KDM5B: variants seen among roughly 807,000 people sequenced by gnomAD.
KDM5B encodes the protein lysine-specific demethylase 5B.
KDM5B carries 144 observed loss-of-function variants against 193.4 expected under a neutral mutation model. The observed-to-expected ratio is 0.74, with a 90% CI of 0.65 to 0.86. The LOEUF (loss-of-function observed/expected upper bound fraction) is 0.86. Among genes scored for constraint, KDM5B ranks in the 40% least tolerant of loss-of-function variants. KDM5B has a pLI of 0.00. For missense variants in KDM5B, 1,833 were observed against 1,886.9 expected (o/e 0.97, Z 0.53); for synonymous variants, 668 against 682.6 (o/e 0.98, Z 0.33).
chr1:202,800,417 C>T (rs1429739695), intron 1 of KDM5B, among the ~76,000 whole-genome samples: 1 of 152,020 alleles, frequency 6.6e-6, no homozygotes, highest in Non-Finnish European at 1.5e-5. Context: ...CAGGGCTCAC[C>T]GCAACCTGGA....
In KDM5B at chr1:202,753,057, T is replaced by C. The variant is rs758192660; in HGVS notation, c.1549A>G (p.Lys517Glu). 1.2e-6 allele frequency: 2 copies of C among 1,613,090 alleles called. No individual in the cohort carries two copies. The highest frequency in any genetic ancestry group is 1.7e-6 in the Non-Finnish European group (2 of 1,179,744). ...SINYLHWGEPKTWYGVPGYAA... is the reference protein window; with the variant it reads ...SINYLHWGEPETWYGVPGYAA... The stretch of plus-strand genomic sequence containing the variant: ...TACCCTGGGACTCCATACCAGGTTT[T>C]TGGCTCACCCCTGGAAATAGATTAT... The change falls in exon 12 of 27, where the codon AAA (lysine) becomes GAA (glutamate). Residue 517 changes from lysine to glutamate, a missense_variant. Around this residue, in one of 3 missense-constraint regions of KDM5B, gnomAD observed 1,379 missense variants for 1,349.6 expected, o/e 1.02. Coordinates refer to ENST00000367265, the MANE Select transcript of KDM5B (RefSeq NM_006618.5).
intron 4 of KDM5B, among the ~76,000 whole-genome samples, chr1:202,768,121 C>T (rs10920478): frequency 0.67 from 102,201 of 152,076 alleles, 36,949 homozygotes; most frequent in Admixed American, 0.82. Flanking sequence ...CAAAGATCAA[C>T]GGGTAGCCCA....
At chr1:202,807,897 C>T (rs1004504468) in intron 1 of KDM5B, among the ~76,000 whole-genome samples, 2 of 152,042 alleles carry the variant, frequency 1.3e-5, no homozygotes, top group Non-Finnish European at 2.9e-5. Context: ...GCCCCCGGTT[C>T]TCCCACGCTC....
chr1:202,796,488 C>A, intron 1 of KDM5B: 1 of 201,204 alleles, frequency 5.0e-6, no homozygotes. Context: ...GAGCCCTTAC[C>A]TCTACATAAC....
At chr1:202,757,247 C>T (rs1251474416) in intron 9 of KDM5B, among the ~76,000 whole-genome samples, 1 of 152,192 alleles carries the variant, frequency 6.6e-6, no homozygotes, top group African/African-American at 2.4e-5. Context: ...CACTGATCAC[C>T]TCCTGCTGTG....
intron 1 of KDM5B, 37 bp from the exon 2 acceptor site, chr1:202,777,131 T>C (rs368645366): frequency 1.7e-4 from 260 of 1,497,622 alleles, no homozygotes; most frequent in African/African-American, 1.0e-3. Context: ...GAATAACTTA[T>C]AAGCATTTGA....
intron 1 of KDM5B, among the ~76,000 whole-genome samples, chr1:202,786,741 G>C (rs1049621146): frequency 2.0e-5 from 3 of 152,116 alleles, no homozygotes; most frequent in Non-Finnish European, 4.4e-5. Context: ...GCTTATTACT[G>C]AAGTTTTAGA....
intron 1 of KDM5B, among the ~76,000 whole-genome samples, chr1:202,789,047 C>A (rs530689051): frequency 1.9e-4 from 29 of 152,104 alleles, no homozygotes; most frequent in Non-Finnish European, 3.1e-4. Flanking sequence ...ACATCCCACA[C>A]CCTAACTTTA....
intron 11 of KDM5B, among the ~76,000 whole-genome samples, chr1:202,754,554 T>G (rs757906240): frequency 6.6e-6 from 1 of 152,218 alleles, no homozygotes; most frequent in Non-Finnish European, 1.5e-5. Flanking sequence ...TACACAGACC[T>G]GGAGGACACT....
intron 1 of KDM5B, among the ~76,000 whole-genome samples, chr1:202,806,211 C>CCAG (rs1658287296): frequency 6.6e-6 from 1 of 152,176 alleles, no homozygotes; most frequent in Admixed American, 6.5e-5. Flanking sequence ...AGGATTTACC[C>CCAG]CAGCCCTGGT....
At chr1:202,734,666 C>T (rs1354085159) in intron 22 of KDM5B, among the ~76,000 whole-genome samples, 1 of 152,206 alleles carries the variant, frequency 6.6e-6, no homozygotes, top group Non-Finnish European at 1.5e-5. Context: ...GAATGGAGGA[C>T]CTCTGATGGC....
intron 1 of KDM5B, among the ~76,000 whole-genome samples, chr1:202,802,951 T>C (rs544571862): frequency 6.6e-6 from 1 of 152,294 alleles, no homozygotes; most frequent in Admixed American, 6.5e-5. Context: ...CCCATGCCTG[T>C]AATCCCAGCA....
At chr1:202,767,134 T>C in intron 4 of KDM5B, 74 bp from the exon 5 acceptor site, 1 of 1,592,270 alleles carries the variant, frequency 6.3e-7, no homozygotes, top group East Asian at 2.2e-5. Context: ...CAAACATATC[T>C]AGCATGCCAC....
At chr1:202,789,376 C>T (rs941140867) in intron 1 of KDM5B, among the ~76,000 whole-genome samples, 1 of 151,006 alleles carries the variant, frequency 6.6e-6, no homozygotes, top group African/African-American at 2.4e-5. Context: ...CAAAAACTAG[C>T]GGGACGCGGT....
chr1:202,733,532 C>T lies in KDM5B; in HGVS notation c.3778G>A (p.Val1260Met), dbSNP rs1295704327. 15 of 1,614,136 alleles carry T rather than the reference C, an allele frequency of 9.3e-6. No individual in the cohort carries two copies. Among genetic ancestry groups the T allele is most frequent in the Non-Finnish European group, 1.0e-5 (12 of 1,180,020 alleles). ...DALRYMIERT[V>M]NWQHRAQQLL... ...TGCTGGGCTCTGTGCTGCCAGTTCACGGTTCTTTCAATCATATATCGAAGT... is the reference window on the plus strand; with the variant it reads ...TGCTGGGCTCTGTGCTGCCAGTTCATGGTTCTTTCAATCATATATCGAAGT... Residue 1260 changes from valine to methionine, a missense_variant, in exon 23 of 27, where the codon GTG becomes ATG. By Grantham distance (21) the Val-to-Met change is conservative. This residue lies in a region of KDM5B where 1,379 missense variants were observed against 1,349.6 expected (regional missense o/e 1.02). Coordinates refer to ENST00000367265, the MANE Select transcript of KDM5B (RefSeq NM_006618.5).
chr1:202,808,069 A>T (rs376260213), intron 1 of KDM5B, 33 bp downstream of exon 1: 336 of 1,598,094 alleles, frequency 2.1e-4, no homozygotes, highest in Non-Finnish European at 2.7e-4. Context: ...TCCCCCAGCC[A>T]CGAGCTGGAT....
chr1:202,740,708 G>C lies in KDM5B; in HGVS notation c.3050C>G (p.Ala1017Gly), dbSNP rs1558484539. Reference protein sequence around the residue: ...GAALKDSVQRARDWLQDVEGL... With the variant: ...GAALKDSVQRGRDWLQDVEGL... Reference sequence around the variant, plus strand: ...CTCTACATCCTGAAGCCAGTCTCTGGCTCTCTGCACTGAGTCTTTCAGAGC... The same window carrying C: ...CTCTACATCCTGAAGCCAGTCTCTGCCTCTCTGCACTGAGTCTTTCAGAGC... The change falls in exon 20 of 27, where the codon GCC (alanine) becomes GGC (glycine). Residue 1017 changes from alanine to glycine, a missense_variant. By Grantham distance (60) the Ala-to-Gly change is moderately conservative. Transcript: ENST00000367265. The C allele has an allele frequency of 6.2e-7, 1 of 1,612,552 alleles. No individual in the cohort carries two copies. The highest frequency in any genetic ancestry group is 8.5e-7 in the Non-Finnish European group (1 of 1,179,716).
At chr1:202,802,934 G>A (rs959270684) in intron 1 of KDM5B, among the ~76,000 whole-genome samples, 1 of 152,124 alleles carries the variant, frequency 6.6e-6, no homozygotes, top group Non-Finnish European at 1.5e-5. Flanking sequence ...CAGGCCAGGT[G>A]CACTGGCCCA....
At chr1:202,761,770 A>AAATTTCC (rs1442013685) in intron 7 of KDM5B, among the ~76,000 whole-genome samples, 1 of 152,218 alleles carries the variant, frequency 6.6e-6, no homozygotes, top group African/African-American at 2.4e-5. Flanking sequence ...CCCAGCCTAT[A>AAATTTCC]CAACTGTGAA....
Sources: allele counts gnomAD v4.1 joint callset (sites outside exome capture counted in the v4.1 genomes callset), GRCh38; gene constraint gnomAD v4.1.1; regional missense constraint gnomAD v4.1.1; transcripts MANE v1.5; gene names NCBI Gene and HGNC (gene_info 2026-07-23, HGNC 2026-07-21).